Variants in JMY observed in about 807,000 individuals in gnomAD.
JMY encodes the protein junction-mediating and -regulatory protein.
A neutral mutation model predicts 103.3 loss-of-function variants in JMY; 46 were observed. The observed-to-expected ratio is 0.45, with a 90% confidence interval of 0.35 to 0.57. The LOEUF is 0.57. Among genes scored for constraint, JMY ranks in the 20% least tolerant of loss-of-function variants. The probability of loss-of-function intolerance (pLI) is 0.00; values close to 1 mark genes in which losing one functional copy is unlikely to be tolerated. For synonymous variants in JMY, 526 were observed against 489.3 expected, an observed-to-expected ratio of 1.07 and a Z score of -0.99; for missense variants, 1,238 against 1,255.2, an observed-to-expected ratio of 0.99 and a Z score of 0.21.
At chr5:79,268,938 G>GT (rs1489893964) in intron 1 of JMY, among the ~76,000 whole-genome samples, 2 of 152,098 alleles carry the variant, frequency 1.3e-5, no homozygotes, top group Non-Finnish European at 2.9e-5. Context: ...TTTTGCAAAT[G>GT]TTTTTTCTCC....
chr5:79,321,339 C>T (rs1747442342), intron 10 of JMY, among the ~76,000 whole-genome samples: 1 of 152,022 alleles, frequency 6.6e-6, no homozygotes, highest in African/African-American at 2.4e-5. Flanking sequence ...GTTTATGGGG[C>T]AAATAGTTTA....
intron 6 of JMY, among the ~76,000 whole-genome samples, chr5:79,303,792 A>G (rs1746805831): frequency 6.6e-6 from 1 of 152,164 alleles, no homozygotes; most frequent in South Asian, 2.1e-4. Context: ...ATGACATCCA[A>G]TATTGGGAGA....
chr5:79,297,270 T>C (rs1453442170), intron 4 of JMY, among the ~76,000 whole-genome samples: 1 of 152,198 alleles, frequency 6.6e-6, no homozygotes, highest in Non-Finnish European at 1.5e-5. Context: ...GGCCAATTTT[T>C]CCTTTGAGTA....
At chr5:79,246,604 C>G (rs186062796) in intron 1 of JMY, among the ~76,000 whole-genome samples, 1 of 152,162 alleles carries the variant, frequency 6.6e-6, no homozygotes, top group East Asian at 1.9e-4. Context: ...GTATGTTGGC[C>G]GGGCACAGTA....
chr5:79,288,163 G>T (rs1450705393), intron 2 of JMY, among the ~76,000 whole-genome samples: 9 of 152,154 alleles, frequency 5.9e-5, no homozygotes, highest in Non-Finnish European at 1.3e-4. Context: ...TCCTTAGCCT[G>T]ACATTTTAAA....
chr5:79,268,093 A>T (rs1310698297), intron 1 of JMY, among the ~76,000 whole-genome samples: 1 of 152,142 alleles, frequency 6.6e-6, no homozygotes, highest in Non-Finnish European at 1.5e-5. Flanking sequence ...AAATTTAAAA[A>T]ATTAGTGGGT....
intron 10 of JMY, among the ~76,000 whole-genome samples, chr5:79,318,471 A>G (rs1331921256): frequency 5.3e-5 from 8 of 152,292 alleles, no homozygotes; most frequent in African/African-American, 1.9e-4. Flanking sequence ...TACTGAAAGC[A>G]GTTTCACCTG....
At chr5:79,256,035 C>G (rs1011517365) in intron 1 of JMY, among the ~76,000 whole-genome samples, 4 of 152,254 alleles carry the variant, frequency 2.6e-5, no homozygotes, top group Non-Finnish European at 5.9e-5. Flanking sequence ...GAAGAATTCC[C>G]CCAGGTCCCT....
At chr5:79,303,173 G>A (rs903301047) in intron 6 of JMY, among the ~76,000 whole-genome samples, 2 of 152,162 alleles carry the variant, frequency 1.3e-5, no homozygotes, top group Non-Finnish European at 2.9e-5. Flanking sequence ...GGGCACCTGG[G>A]TCTTATAAGA....
At chr5:79,252,219 A>G (rs570812940) in intron 1 of JMY, among the ~76,000 whole-genome samples, 1 of 151,876 alleles carries the variant, frequency 6.6e-6, no homozygotes, top group African/African-American at 2.4e-5. Flanking sequence ...TCATTGACCT[A>G]CTGGTCATTC....
intron 6 of JMY, 100 bp downstream of exon 6, chr5:79,300,963 T>C: frequency 1.0e-6 from 1 of 979,286 alleles, no homozygotes; most frequent in Non-Finnish European, 1.5e-6. Flanking sequence ...TAAAACTAAG[T>C]AAGCACTATC....
chr5:79,240,067 G>C (rs1744687476), intron 1 of JMY, among the ~76,000 whole-genome samples: 1 of 151,172 alleles, frequency 6.6e-6, no homozygotes, highest in Admixed American at 6.6e-5. Context: ...CCAGGCTGAA[G>C]TGTAGTGGCG....
chr5:79,312,877 A>T (rs1031175178), intron 8 of JMY, among the ~76,000 whole-genome samples: 1 of 152,168 alleles, frequency 6.6e-6, no homozygotes, highest in Non-Finnish European at 1.5e-5. Flanking sequence ...TCAAATGACC[A>T]TTGGCAGAAT....
At chr5:79,287,723 A>T (rs1746308645) in intron 2 of JMY, among the ~76,000 whole-genome samples, 1 of 152,230 alleles carries the variant, frequency 6.6e-6, no homozygotes, top group Non-Finnish European at 1.5e-5. Flanking sequence ...TGGGCATTCG[A>T]GTATTTCACC....
At position 79,300,152 on chromosome 5, in the gene JMY, G is replaced by A; in HGVS notation, c.1528-1G>A. On this transcript the variant is annotated splice_acceptor_variant, in intron 4 of 10. Transcript: ENST00000396137. LOFTEE classifies it high-confidence loss of function. ...TTTTTTAATTTGTATTTTCAATGCA[G>A]ATGCAGAGTTTGCGGGGTGGTACAG... The A allele has an allele frequency of 6.2e-7, 1 of 1,612,488 alleles. No homozygotes were observed. The highest frequency in any genetic ancestry group is 8.5e-7 in the Non-Finnish European group (1 of 1,179,354).
chr5:79,240,946 C>G (rs1580322974), intron 1 of JMY, among the ~76,000 whole-genome samples: 1 of 152,186 alleles, frequency 6.6e-6, no homozygotes, highest in South Asian at 2.1e-4. Flanking sequence ...CTAGGTTTAT[C>G]TGATAAATCA....
chr5:79,241,328 A>G (rs1296718487), intron 1 of JMY, among the ~76,000 whole-genome samples: 10 of 152,238 alleles, frequency 6.6e-5, no homozygotes, highest in South Asian at 2.1e-4. Flanking sequence ...AAACTAGAGA[A>G]GTTTTTAAAA....
chr5:79,261,915 A>T (rs1007715337), intron 1 of JMY, among the ~76,000 whole-genome samples: 1 of 152,216 alleles, frequency 6.6e-6, no homozygotes, highest in Non-Finnish European at 1.5e-5. Context: ...GTGAGCCACC[A>T]TGCCCAACCT....
chr5:79,300,018 C>T (rs909640173), intron 4 of JMY, 135 bp from the exon 5 acceptor site: 1 of 520,812 alleles, frequency 1.9e-6, no homozygotes, highest in African/African-American at 2.0e-5. Context: ...AGTCTAGATT[C>T]CATGCCTACA....
Sources: allele counts gnomAD v4.1 joint callset (sites outside exome capture counted in the v4.1 genomes callset), GRCh38; gene constraint gnomAD v4.1.1; transcripts MANE v1.5; gene names NCBI Gene and HGNC (gene_info 2026-07-23, HGNC 2026-07-21).